Variants in XKR6 observed in about 807,000 individuals in gnomAD.
XKR6 encodes the protein XK-related protein 6.
A neutral mutation model predicts 56.7 loss-of-function variants in XKR6; 22 were observed. The observed-to-expected ratio is 0.39, with a 90% CI of 0.28 to 0.55. The LOEUF is 0.55. Ranked by LOEUF, XKR6 falls within the 20% of genes least tolerant of loss-of-function variation. The pLI, the probability that XKR6 is intolerant of heterozygous loss-of-function variation, is 0.66. For synonymous variants in XKR6, 524 were observed against 387.8 expected, an observed-to-expected ratio of 1.35 and a Z score of -4.13; for missense variants, 852 against 889.0, an observed-to-expected ratio of 0.96 and a Z score of 0.53.
chr8:11,190,924 T>C (rs1340664838), intron 1 of XKR6, among the ~76,000 whole-genome samples: 3 of 152,200 alleles, frequency 2.0e-5, no homozygotes, highest in African/African-American at 7.2e-5. Flanking sequence ...CAATATAGTT[T>C]CCTTTCCTCC....
chr8:11,148,710 C>A (rs921685620), intron 1 of XKR6, among the ~76,000 whole-genome samples: 1 of 152,184 alleles, frequency 6.6e-6, no homozygotes, highest in Non-Finnish European at 1.5e-5. Context: ...CATGTCCACA[C>A]AAAGACTTGT....
At chr8:10,899,555 C>A (rs1427625879) in intron 2 of XKR6, among the ~76,000 whole-genome samples, 1 of 152,226 alleles carries the variant, frequency 6.6e-6, no homozygotes, top group African/African-American at 2.4e-5. Context: ...CAGACTTCCT[C>A]TCTCACCCAC....
chr8:11,133,155 A>G (rs2116903441), intron 1 of XKR6, among the ~76,000 whole-genome samples: 1 of 152,222 alleles, frequency 6.6e-6, no homozygotes, highest in South Asian at 2.1e-4. Context: ...AGGAATTGAA[A>G]CCTAAACGCA....
chr8:11,122,504 T>TA (rs1206553957), intron 1 of XKR6, among the ~76,000 whole-genome samples: 1 of 152,200 alleles, frequency 6.6e-6, no homozygotes. Context: ...GTCTCACAAT[T>TA]ACTGTCACTG....
intron 1 of XKR6, among the ~76,000 whole-genome samples, chr8:10,995,690 C>CA (rs1407267216): frequency 4.4e-5 from 5 of 114,470 alleles, no homozygotes; most frequent in African/African-American, 5.1e-5. Context: ...CCTATCTCCC[C>CA]ACCAAAAAAA....
chr8:10,979,423 C>A (rs766868818), intron 1 of XKR6, among the ~76,000 whole-genome samples: 9 of 151,994 alleles, frequency 5.9e-5, no homozygotes, highest in African/African-American at 1.2e-4. Flanking sequence ...TCCTGGGGGA[C>A]CTGCCGAGAA....
intron 1 of XKR6, among the ~76,000 whole-genome samples, chr8:11,121,977 T>C (rs1052385024): frequency 8.5e-5 from 13 of 152,174 alleles, no homozygotes; most frequent in South Asian, 2.1e-4. Context: ...TAGGTGGGAA[T>C]TGAACAATAA....
chr8:11,086,724 C>T (rs1261357805), intron 1 of XKR6, among the ~76,000 whole-genome samples: 2 of 152,218 alleles, frequency 1.3e-5, no homozygotes, highest in African/African-American at 2.4e-5. Context: ...CACTCTGATC[C>T]TATCTCTTTT....
chr8:10,997,517 G>GA (rs1798141452), intron 1 of XKR6, among the ~76,000 whole-genome samples: 1 of 152,108 alleles, frequency 6.6e-6, no homozygotes, highest in Admixed American at 6.5e-5. Flanking sequence ...ATAGCCATAG[G>GA]AAAAAATGAT....
At chr8:11,130,233 TA>T (rs1484308607) in intron 1 of XKR6, among the ~76,000 whole-genome samples, 2 of 152,202 alleles carry the variant, frequency 1.3e-5, no homozygotes, top group Non-Finnish European at 2.9e-5. Flanking sequence ...GTTTACAGTT[TA>T]ATTTTTTTTA....
At chr8:10,912,248 G>C (rs1312334429) in intron 2 of XKR6, among the ~76,000 whole-genome samples, 1 of 141,954 alleles carries the variant, frequency 7.0e-6, no homozygotes, top group Non-Finnish European at 1.5e-5. Context: ...GAGAGAGGGT[G>C]TGTGTGTATA....
At chr8:11,019,903 A>T (rs959920596) in intron 1 of XKR6, among the ~76,000 whole-genome samples, 8 of 152,312 alleles carry the variant, frequency 5.3e-5, no homozygotes, top group African/African-American at 9.6e-5. Context: ...CTCACTTCCC[A>T]GCCGGGCCAG....
chr8:10,990,895 C>CTTTTTTTTT (rs59410799), intron 1 of XKR6, among the ~76,000 whole-genome samples: 2 of 73,594 alleles, frequency 2.7e-5, no homozygotes, highest in African/African-American at 5.9e-5. Context: ...TGGGGAATGT[C>CTTTTTTTTT]TTTTTTTTTT....
chr8:10,940,846 G>A (rs1357990519), intron 1 of XKR6, among the ~76,000 whole-genome samples: 2 of 152,170 alleles, frequency 1.3e-5, no homozygotes, highest in African/African-American at 4.8e-5. Context: ...GGTAGGTGCT[G>A]TGACCCACTG....
chr8:11,105,143 G>C (rs1798628555), intron 1 of XKR6: 1 of 152,160 alleles, frequency 6.6e-6, no homozygotes, highest in Non-Finnish European at 1.5e-5. Flanking sequence ...CCTCTAGGCA[G>C]AACTGAGACT....
intron 1 of XKR6, among the ~76,000 whole-genome samples, chr8:11,000,931 C>A (rs558836231): frequency 3.0e-4 from 46 of 152,300 alleles, no homozygotes; most frequent in Non-Finnish European, 5.9e-4. Flanking sequence ...AATGCCTACA[C>A]CCCTTCCTTG....
chr8:10,932,297 A>G (rs919540706), intron 1 of XKR6, among the ~76,000 whole-genome samples: 2 of 152,224 alleles, frequency 1.3e-5, no homozygotes, highest in Non-Finnish European at 2.9e-5. Flanking sequence ...AACAGTGGAC[A>G]GTCTCTCATA....
chr8:11,057,151 C>G (rs189935162), intron 1 of XKR6, among the ~76,000 whole-genome samples: 2 of 152,190 alleles, frequency 1.3e-5, no homozygotes, highest in African/African-American at 4.8e-5. Flanking sequence ...TCCCTCTCTT[C>G]ATGGATCCTA....
intron 1 of XKR6, among the ~76,000 whole-genome samples, chr8:11,115,841 A>C (rs1234846947): frequency 6.6e-6 from 1 of 152,232 alleles, no homozygotes. Flanking sequence ...CAGAAGAATA[A>C]ATACATTTCT....
Sources: gnomAD v4.1 joint callset for allele counts (sites outside exome capture counted in the v4.1 genomes callset) on GRCh38, gnomAD v4.1.1 for gene constraint, MANE v1.5 for transcripts, NCBI Gene and HGNC (gene_info 2026-07-23, HGNC 2026-07-21) for gene names.